Variants in WDPCP observed in about 807,000 individuals in gnomAD.
WDPCP encodes the protein WD repeat containing planar cell polarity effector.
In WDPCP, 71 loss-of-function variants were observed where a neutral mutation model predicts 93.1. That is an observed-to-expected ratio of 0.76 (90% CI 0.63 to 0.93). The LOEUF is 0.93. WDPCP is among the 40% of genes least tolerant of loss of function. WDPCP has a pLI of 0.00. For missense variants in WDPCP, 844 were observed against 887.4 expected, an observed-to-expected ratio of 0.95 and a Z score of 0.62; for synonymous variants, 315 against 315.0, an observed-to-expected ratio of 1.00 and a Z score of 0.00.
chr2:63,468,032 A>G (rs568238325), intron 6 of WDPCP, among the ~76,000 whole-genome samples: 3 of 152,302 alleles, frequency 2.0e-5, no homozygotes, highest in South Asian at 2.1e-4. Flanking sequence ...GGTGGCTACC[A>G]GCCAACGACT....
intron 10 of WDPCP, among the ~76,000 whole-genome samples, chr2:63,382,320 G>A (rs1692382758): frequency 6.6e-6 from 1 of 151,910 alleles, no homozygotes; most frequent in South Asian, 2.1e-4. Flanking sequence ...TTACTCTTAG[G>A]ACCAAGAGCA....
intron 14 of WDPCP, among the ~76,000 whole-genome samples, chr2:63,202,274 T>C (rs1181003363): frequency 2.0e-5 from 3 of 152,104 alleles, no homozygotes; most frequent in Non-Finnish European, 2.9e-5. Context: ...TTGTATTTTG[T>C]TAATCATTTC....
At chr2:63,807,135 T>C (rs547712645) in intron 2 of WDPCP, among the ~76,000 whole-genome samples, 298 of 152,318 alleles carry the variant, frequency 2.0e-3, no homozygotes, top group Non-Finnish European at 3.2e-3. Context: ...GGGGAACTAA[T>C]AAATGTCCAT....
intron 2 of WDPCP, among the ~76,000 whole-genome samples, chr2:63,711,960 A>T (rs1669269867): frequency 6.6e-6 from 1 of 152,182 alleles, no homozygotes; most frequent in African/African-American, 2.4e-5. Context: ...TTTGGTGAGT[A>T]TGGCAACATT....
At chr2:63,594,477 T>C in intron 3 of WDPCP, 1 of 1,604,564 alleles carries the variant, frequency 6.2e-7, no homozygotes, top group Non-Finnish European at 8.5e-7. Flanking sequence ...AATGGGTCTT[T>C]TTCATTACAG....
At chr2:63,622,832 C>G in intron 3 of WDPCP, 3 of 1,607,058 alleles carry the variant, frequency 1.9e-6, no homozygotes, top group Non-Finnish European at 2.5e-6. Context: ...ACTTAACCAT[C>G]GTCCTGGCCG....
intron 2 of WDPCP, among the ~76,000 whole-genome samples, chr2:63,669,885 G>A (rs1710324840): frequency 6.6e-6 from 1 of 152,054 alleles, no homozygotes; most frequent in African/African-American, 2.4e-5. Flanking sequence ...TGGAGCTCCT[G>A]GTTTGAATCC....
chr2:63,702,258 T>A (rs1669065525), intron 2 of WDPCP, among the ~76,000 whole-genome samples: 1 of 152,156 alleles, frequency 6.6e-6, no homozygotes, highest in Admixed American at 6.5e-5. Context: ...ACTCCTGACC[T>A]CAGGTGATCC....
At chr2:63,219,897 G>A (rs1439963165) in intron 14 of WDPCP, among the ~76,000 whole-genome samples, 2 of 152,084 alleles carry the variant, frequency 1.3e-5, no homozygotes, top group African/African-American at 4.8e-5. Flanking sequence ...AGCTACTCGG[G>A]AGACTGAGGC....
intron 12 of WDPCP, among the ~76,000 whole-genome samples, chr2:63,337,910 A>G (rs144013636): frequency 7.9e-5 from 12 of 152,286 alleles, no homozygotes; most frequent in African/African-American, 2.9e-4. Flanking sequence ...CTCTTGTCAA[A>G]TGAATAATTT....
chr2:63,612,149 T>C (rs571518345), intron 3 of WDPCP, among the ~76,000 whole-genome samples: 26 of 152,332 alleles, frequency 1.7e-4, no homozygotes, highest in African/African-American at 5.5e-4. Context: ...TTTTGAAGAA[T>C]AGACCAACTC....
intron 2 of WDPCP, among the ~76,000 whole-genome samples, chr2:63,710,447 T>C (rs1669245443): frequency 6.6e-6 from 1 of 152,216 alleles, no homozygotes; most frequent in Non-Finnish European, 1.5e-5. Context: ...TATATGCTAT[T>C]GCTGATTTCT....
At chr2:63,594,555 T>C in intron 3 of WDPCP, 1 of 1,613,700 alleles carries the variant, frequency 6.2e-7, no homozygotes, top group Admixed American at 1.7e-5. Context: ...CTGTACAGTA[T>C]TGGAAATGGA....
chr2:63,413,271 A>G (rs1695155712), intron 9 of WDPCP, among the ~76,000 whole-genome samples: 1 of 152,240 alleles, frequency 6.6e-6, no homozygotes, highest in African/African-American at 2.4e-5. Context: ...TACAGTGGGA[A>G]AAGGACACCC....
At chr2:63,178,894 T>G (rs1053170021) in intron 14 of WDPCP, among the ~76,000 whole-genome samples, 1 of 152,180 alleles carries the variant, frequency 6.6e-6, no homozygotes, top group African/African-American at 2.4e-5. Context: ...GTTTGGGCAC[T>G]GATATGGCTT....
Position 63,404,179 on chromosome 2 carries a change from G to T in WDPCP, c.1304C>A (p.Ser435Tyr). ...TLQFSKLFDA[S>Y]SSLVQMQWIA... ...CCATTGCATTTGAACAAGACTGCTG[G>T]AGGCATCAAATAATTTACTGAATTG... The change falls in exon 10 of 18, where the codon TCC becomes TAC. Residue 435 changes from serine (S) to tyrosine (Y), a missense_variant. Transcript: ENST00000272321. 1 of 1,614,016 alleles carries T rather than the reference G, an allele frequency of 6.2e-7. No homozygotes were observed. The highest frequency in any genetic ancestry group is 8.5e-7 in the Non-Finnish European group (1 of 1,179,994).
intron 2 of WDPCP, among the ~76,000 whole-genome samples, chr2:63,788,483 A>G (rs1670501098): frequency 6.6e-6 from 1 of 152,210 alleles, no homozygotes; most frequent in Non-Finnish European, 1.5e-5. Context: ...TTGCAGCTAC[A>G]ACTTGGAGCA....
At chr2:63,283,495 T>C (rs1256801836) in intron 13 of WDPCP, among the ~76,000 whole-genome samples, 1 of 152,264 alleles carries the variant, frequency 6.6e-6, no homozygotes. Context: ...TATTAGAACG[T>C]AGCCATACTT....
At chr2:63,190,597 A>G (rs1212200200) in intron 14 of WDPCP, among the ~76,000 whole-genome samples, 1 of 152,190 alleles carries the variant, frequency 6.6e-6, no homozygotes, top group Non-Finnish European at 1.5e-5. Context: ...TAACTTTTAG[A>G]AAGGACACCA....
Sources: gnomAD v4.1 joint callset for allele counts (sites outside exome capture counted in the v4.1 genomes callset) on GRCh38, gnomAD v4.1.1 for gene constraint, MANE v1.5 for transcripts, NCBI Gene and HGNC (gene_info 2026-07-23, HGNC 2026-07-21) for gene names.